LPAR1: variants seen among roughly 807,000 people sequenced by gnomAD.
The protein encoded by LPAR1 is LPA receptor 1.
Under a neutral mutation model 23.8 loss-of-function variants are expected in LPAR1, and 5 were observed. The ratio of observed to expected loss-of-function variants is 0.21; its 90% CI spans 0.11 to 0.44. The LOEUF (loss-of-function observed/expected upper bound fraction) is 0.44. Among genes scored for constraint, LPAR1 ranks in the 20% least tolerant of loss-of-function variants. The pLI, the probability that LPAR1 is intolerant of heterozygous loss-of-function variation, is 0.99. For synonymous variants in LPAR1, 160 were observed against 164.7 expected, an observed-to-expected ratio of 0.97 and a Z score of 0.22; for missense variants, 311 against 482.8, an observed-to-expected ratio of 0.64 and a Z score of 3.33.
intron 3 of LPAR1, among the ~76,000 whole-genome samples, chr9:110,972,700 TC>T (rs1224246314): frequency 6.6e-6 from 1 of 151,916 alleles, no homozygotes; most frequent in Non-Finnish European, 1.5e-5. Flanking sequence ...TAATCTCAGC[TC>T]TTTGGGAAGC....
At chr9:110,899,707 G>A (rs1198131966) in intron 5 of LPAR1, among the ~76,000 whole-genome samples, 1 of 152,200 alleles carries the variant, frequency 6.6e-6, no homozygotes, top group Non-Finnish European at 1.5e-5. Context: ...ATTTCTAACA[G>A]CTGTCAGGTA....
At chr9:110,987,447 G>A (rs776342327) in intron 2 of LPAR1, among the ~76,000 whole-genome samples, 12 of 150,902 alleles carry the variant, frequency 8.0e-5, no homozygotes, top group Non-Finnish European at 1.8e-4. Flanking sequence ...CTACTCCCTG[G>A]CCCCCTACTC....
intron 4 of LPAR1, among the ~76,000 whole-genome samples, chr9:110,963,692 A>G (rs1036095526): frequency 6.6e-6 from 1 of 152,252 alleles, no homozygotes; most frequent in Non-Finnish European, 1.5e-5. Context: ...GAACTTCCAG[A>G]CTAATCATGG....
At chr9:111,019,309 A>T (rs917672966) in intron 2 of LPAR1, among the ~76,000 whole-genome samples, 13 of 152,288 alleles carry the variant, frequency 8.5e-5, no homozygotes, top group African/African-American at 3.1e-4. Context: ...AAATAATAAT[A>T]ATAGAGATAT....
Position 110,875,466 on chromosome 9 carries a change from G to A in LPAR1, c.1050C>T (p.His350=). ...TGCTGTGAACTCCAGCCAAGATGGT[G>A]TGGTTGAGGGAGGAAGCCGAGCGGT... is the stretch of plus-strand genomic sequence containing the variant. ...GSDRSASSLN[H]TILAGVHSND... The change falls in exon 6 of 6, where the codon CAC becomes CAT. Residue 350 remains histidine (H), a synonymous_variant. Transcript: ENST00000683809. 6.2e-7 allele frequency: 1 copy of A among 1,613,992 alleles called. No individual in the cohort carries two copies. The highest frequency in any genetic ancestry group is 8.5e-7 in the Non-Finnish European group (1 of 1,179,918).
chr9:110,876,904 C>A (rs1336183100), intron 5 of LPAR1, among the ~76,000 whole-genome samples: 1 of 152,150 alleles, frequency 6.6e-6, no homozygotes, highest in Non-Finnish European at 1.5e-5. Context: ...CTGTGTTACT[C>A]CAGACTCTGC....
intron 2 of LPAR1, among the ~76,000 whole-genome samples, chr9:111,035,526 G>A (rs2097877999): frequency 6.6e-6 from 1 of 151,982 alleles, no homozygotes; most frequent in South Asian, 2.1e-4. Flanking sequence ...ACCTGGCCCG[G>A]GATATTTAAA....
At chr9:110,948,144 T>C (rs982790880) in intron 4 of LPAR1, among the ~76,000 whole-genome samples, 3 of 152,208 alleles carry the variant, frequency 2.0e-5, no homozygotes, top group African/African-American at 7.2e-5. Context: ...TAAATTCTTA[T>C]TCTTAAATTC....
intron 5 of LPAR1, among the ~76,000 whole-genome samples, chr9:110,880,467 T>C (rs773784341): frequency 6.6e-6 from 1 of 152,168 alleles, no homozygotes; most frequent in Admixed American, 6.5e-5. Flanking sequence ...TGCTTACATA[T>C]GGAATGCAAG....
intron 5 of LPAR1, among the ~76,000 whole-genome samples, chr9:110,912,447 G>A (rs923458801): frequency 1.3e-5 from 2 of 152,094 alleles, no homozygotes; most frequent in African/African-American, 2.4e-5. Context: ...GAATTAGTAG[G>A]GGGCAAAGAC....
At chr9:110,909,337 T>G (rs904816162) in intron 5 of LPAR1, among the ~76,000 whole-genome samples, 3 of 152,122 alleles carry the variant, frequency 2.0e-5, no homozygotes, top group East Asian at 3.9e-4. Context: ...TCCTAGCACC[T>G]TCTTGTACAG....
At position 110,936,891 on chromosome 9, in the gene LPAR1, A is replaced by G. The variant is rs542064571; in HGVS notation, c.793+4530T>C. Among the ~76,000 whole-genome samples, 13 of 152,320 alleles carry G rather than the reference A, an allele frequency of 8.5e-5. No individual in the cohort carries two copies. The East Asian group carries it at 2.5e-3, about 29-fold the overall frequency. On this transcript the variant is annotated intron_variant, in intron 5 of 5. Transcript: ENST00000683809. The stretch of plus-strand genomic sequence containing the variant: ...CCAAAAAGGAAAGGACTTATAATTC[A>G]AGACATGCCATGGTCAAATAAGGAA...
intron 2 of LPAR1, among the ~76,000 whole-genome samples, chr9:111,017,172 T>G (rs894741985): frequency 6.6e-6 from 1 of 152,170 alleles, no homozygotes; most frequent in Non-Finnish European, 1.5e-5. Flanking sequence ...TTCTAATACA[T>G]GAATAGCACC....
chr9:110,922,839 T>TTAG (rs2093727240), intron 5 of LPAR1, among the ~76,000 whole-genome samples: 1 of 147,548 alleles, frequency 6.8e-6, no homozygotes, highest in Non-Finnish European at 1.5e-5. Context: ...ATTATTATTA[T>TTAG]TATTATTATT....
In LPAR1 at chr9:110,916,317, T is replaced by G. The variant is rs138655047; in HGVS notation, c.793+25104A>C. ...AGCTAGGAATGACGGAGCTGGGATC[T>G]TACTCTAAATCTGGATGCCTCCAGA... On this transcript the variant is annotated intron_variant, in intron 5 of 5. Coordinates refer to ENST00000683809, the MANE Select transcript of LPAR1 (RefSeq NM_001351411.2). Among the ~76,000 whole-genome samples the G allele has an allele frequency of 1.8e-3, 274 of 152,278 alleles. 4 individuals carry two copies. The highest frequency in any genetic ancestry group is 0.017 in the Middle Eastern group (5 of 294).
In LPAR1 at chr9:111,006,207, T is replaced by G. The variant is rs143374167; in HGVS notation, c.-182+29915A>C. 8.6e-3 allele frequency among the ~76,000 whole-genome samples: 1,305 copies of G among 152,330 alleles called. 12 individuals are homozygous for G. The highest frequency in any genetic ancestry group is 0.017 in the Middle Eastern group (5 of 294). On this transcript the variant is annotated intron_variant, in intron 2 of 5. Transcript: ENST00000683809. ...CCTGTCAAATGATTTTCTTCATTCA[T>G]GCATGCATGCAAAAGGCTGTACACA...
chr9:110,930,788 G>A (rs1402085215), intron 5 of LPAR1, among the ~76,000 whole-genome samples: 1 of 151,936 alleles, frequency 6.6e-6, no homozygotes, highest in Admixed American at 6.6e-5. Context: ...GGTGGCGCGT[G>A]CCTATAGTCC....
intron 5 of LPAR1, among the ~76,000 whole-genome samples, chr9:110,898,511 G>A (rs1024880020): frequency 1.3e-5 from 2 of 152,112 alleles, no homozygotes; most frequent in African/African-American, 2.4e-5. Flanking sequence ...CTATAAGAAC[G>A]CTATATTTAG....
intron 4 of LPAR1, among the ~76,000 whole-genome samples, chr9:110,960,982 T>C (rs1035631573): frequency 2.0e-5 from 3 of 152,200 alleles, no homozygotes; most frequent in African/African-American, 7.2e-5. Context: ...ATATATTTCC[T>C]TATAAACTTG....
Sources: allele counts gnomAD v4.1 joint callset (sites outside exome capture counted in the v4.1 genomes callset), GRCh38; gene constraint gnomAD v4.1.1; transcripts MANE v1.5; gene names NCBI Gene and HGNC (gene_info 2026-07-23, HGNC 2026-07-21).